The following PIK3CD variants were observed in gnomAD, a reference collection of about 807,000 sequenced individuals.
PIK3CD encodes the protein phosphatidylinositol-4,5-bisphosphate 3-kinase catalytic subunit delta.
Under a neutral mutation model 122.9 loss-of-function variants are expected in PIK3CD, and 20 were observed. The observed-to-expected ratio is 0.16, with a 90% CI of 0.11 to 0.24. The LOEUF (loss-of-function observed/expected upper bound fraction) is 0.24. PIK3CD is among the 10% of genes least tolerant of loss of function. PIK3CD has a pLI of 1.00. For synonymous variants in PIK3CD, 596 were observed against 593.4 expected (o/e 1.00, Z -0.06); for missense variants, 787 against 1,406.3 (o/e 0.56, Z 7.04).
At chr1:9,694,986 G>A (rs201682376) in intron 2 of PIK3CD, among the ~76,000 whole-genome samples, 5 of 145,388 alleles carry the variant, frequency 3.4e-5, no homozygotes, top group African/African-American at 5.2e-5. Flanking sequence ...GAGAGAGAGA[G>A]AGAGACAGAG....
intron 1 of PIK3CD, among the ~76,000 whole-genome samples, chr1:9,686,069 C>G (rs940737895): frequency 9.2e-5 from 14 of 152,188 alleles, no homozygotes; most frequent in Non-Finnish European, 1.8e-4. Context: ...TCACACATCA[C>G]AAAGTGTCAG....
At chr1:9,712,483 G>T (rs1647095205) in intron 3 of PIK3CD, among the ~76,000 whole-genome samples, 1 of 152,042 alleles carries the variant, frequency 6.6e-6, no homozygotes, top group African/African-American at 2.4e-5. Context: ...GTTTCACCAT[G>T]TTGGCCAGGC....
chr1:9,724,801 C>G lies in PIK3CD; in HGVS notation c.2865-3C>G. 6.2e-7 allele frequency: 1 copy of G among 1,612,768 alleles called. No individual in the cohort carries two copies. Among genetic ancestry groups the G allele is most frequent in the Non-Finnish European group, 8.5e-7 (1 of 1,180,038 alleles). On this transcript the variant is annotated splice_region_variant and splice_polypyrimidine_tract_variant and intron_variant, in intron 22 of 23. Transcript: ENST00000377346. This position sits in a 1 kb window ranked among gnomAD's most constrained non-coding sequence, Gnocchi z 7.3. Reference sequence around the variant, plus strand: ...CCTCACTTCCTCTGTCCCCTACCTGCAGGTTCCGGGGCTACTGTGAAAGGG... The same window carrying G: ...CCTCACTTCCTCTGTCCCCTACCTGGAGGTTCCGGGGCTACTGTGAAAGGG...
Position 9,719,787 on chromosome 1 carries a change from G to C in PIK3CD, c.1243-134G>C, listed in dbSNP as rs1648196871. 5.1e-6 allele frequency: 4 copies of C among 783,488 alleles called. No individual in the cohort carries two copies. Among genetic ancestry groups the C allele is most frequent in the Non-Finnish European group, 9.1e-6 (4 of 437,846 alleles). The allele number at this position is 783,488 out of a possible 1,614,324, so 48.5% of individuals were successfully genotyped here. A position where few individuals can be genotyped will look rare whatever the true frequency, so the allele number is the denominator to read the frequency against. On this transcript the variant is annotated intron_variant, in intron 9 of 23. Transcript: ENST00000377346. This position sits in a 1 kb window ranked among gnomAD's most constrained non-coding sequence, Gnocchi z 5.5. ...GCGGCTCCTCTCCTTCCCCAAGCAG[G>C]GTCTCCCAGGGGTCTGGTTGGGAGA...
intron 3 of PIK3CD, among the ~76,000 whole-genome samples, chr1:9,714,118 T>C (rs1284022044): frequency 6.6e-6 from 1 of 152,084 alleles, no homozygotes; most frequent in African/African-American, 2.4e-5. Context: ...TCCCAAAGTA[T>C]TGGGATTACA....
intron 1 of PIK3CD, among the ~76,000 whole-genome samples, chr1:9,679,569 T>C (rs1052013590): frequency 1.3e-5 from 2 of 151,524 alleles, no homozygotes; most frequent in African/African-American, 4.9e-5. Flanking sequence ...CCTTAGCCCA[T>C]GTCCTGTTTC....
chr1:9,688,949 G>A (rs1264923412), intron 1 of PIK3CD, among the ~76,000 whole-genome samples: 1 of 152,128 alleles, frequency 6.6e-6, no homozygotes, highest in East Asian at 1.9e-4. Context: ...AAAGTGCTAG[G>A]TACACTCATT....
chr1:9,725,461 A>G (rs931422490), intron 23 of PIK3CD, among the ~76,000 whole-genome samples: 2 of 152,158 alleles, frequency 1.3e-5, no homozygotes, highest in Non-Finnish European at 2.9e-5. Context: ...AGGCTGAGGC[A>G]GGAGAATCGT....
In PIK3CD at chr1:9,710,684, G is replaced by A; in HGVS notation, c.141+88G>A. 3 of 1,457,194 alleles carry A rather than the reference G, an allele frequency of 2.1e-6. No individual in the cohort carries two copies. Among genetic ancestry groups the A allele is most frequent in the Non-Finnish European group, 2.9e-6 (3 of 1,040,692 alleles). 90.3% of individuals were successfully genotyped at this position (1,457,194 alleles called of 1,614,324 possible). On this transcript the variant is annotated intron_variant, in intron 3 of 23. Transcript: ENST00000377346. This position sits in a 1 kb window ranked among gnomAD's most constrained non-coding sequence, Gnocchi z 4.7. ...AGATAGACAGACAGACAGACAGACA[G>A]ATGGACAGGTGGACAGACGGACAGA... is the stretch of plus-strand genomic sequence containing the variant.
In PIK3CD at chr1:9,713,353, G is replaced by A. The variant is rs80305396; in HGVS notation, c.142-2188G>A. Among the ~76,000 whole-genome samples, 812 of 151,894 alleles carry A rather than the reference G, an allele frequency of 5.3e-3. 18 individuals are homozygous for A. Among genetic ancestry groups the A allele is most frequent in the East Asian group, 0.044 (225 of 5,168 alleles). Reference sequence around the variant, plus strand: ...GAAACCCCGTCTGTAAAATAAACAAGCAAACAAACAGACAAAAACAAACAC... The same window carrying A: ...GAAACCCCGTCTGTAAAATAAACAAACAAACAAACAGACAAAAACAAACAC... On this transcript the variant is annotated intron_variant, in intron 3 of 23. Coordinates refer to ENST00000377346, the MANE Select transcript of PIK3CD (RefSeq NM_005026.5).
At position 9,719,988 on chromosome 1, in the gene PIK3CD, G is replaced by A. The variant is rs776965614; in HGVS notation, c.1310G>A (p.Arg437His). 2.5e-5 allele frequency: 40 copies of A among 1,613,612 alleles called. No homozygotes were observed. Among genetic ancestry groups the A allele is most frequent in the Middle Eastern group, 1.6e-4 (1 of 6,084 alleles). Reference protein sequence around the residue: ...DYKDQLKTGERCLYMWPSVPD... With the variant: ...DYKDQLKTGEHCLYMWPSVPD... ...AAGGACCAGCTTAAGACCGGGGAAC[G>A]CTGCCTCTACATGTGGCCCTCCGTC... The change falls in exon 10 of 24, where the codon CGC becomes CAC. Residue 437 changes from arginine (R) to histidine (H), a missense_variant. Coordinates refer to ENST00000377346, the MANE Select transcript of PIK3CD (RefSeq NM_005026.5). This position sits in a 1 kb window ranked among gnomAD's most constrained non-coding sequence, Gnocchi z 5.5.
chr1:9,667,864 G>C (rs1441736288), intron 1 of PIK3CD, among the ~76,000 whole-genome samples: 2 of 141,998 alleles, frequency 1.4e-5, no homozygotes, highest in African/African-American at 2.6e-5. Flanking sequence ...AGCCTCCCAA[G>C]TAGCTGGGAC....
At chr1:9,664,510 C>A (rs1645103164) in intron 1 of PIK3CD, among the ~76,000 whole-genome samples, 1 of 152,200 alleles carries the variant, frequency 6.6e-6, no homozygotes, top group Non-Finnish European at 1.5e-5. Flanking sequence ...GGGGGTTTTA[C>A]CACTGTTCAA....
intron 1 of PIK3CD, among the ~76,000 whole-genome samples, chr1:9,658,116 T>C (rs1319080476): frequency 6.6e-6 from 1 of 152,034 alleles, no homozygotes; most frequent in Non-Finnish European, 1.5e-5. Flanking sequence ...GGCATGGTGG[T>C]TCATGCTTGT....
chr1:9,630,739 T>TGTGTGTGTGCGC, the PIK3CD span, among the ~76,000 whole-genome samples: 20 of 150,964 alleles, frequency 1.3e-4, no homozygotes, highest in African/African-American at 4.6e-4. Flanking sequence ...TGTGTGTGTG[T>TGTGTGTGTGCGC]GCAGAAGAGG....
chr1:9,670,790 C>G (rs1399491506), intron 1 of PIK3CD, among the ~76,000 whole-genome samples: 3 of 152,050 alleles, frequency 2.0e-5, no homozygotes, highest in Non-Finnish European at 4.4e-5. Context: ...TGGAGTCTCG[C>G]TCTGTCACCG....
intron 1 of PIK3CD, among the ~76,000 whole-genome samples, chr1:9,655,431 A>T (rs534590641): frequency 4.2e-5 from 6 of 142,130 alleles, no homozygotes; most frequent in African/African-American, 1.6e-4. Flanking sequence ...AAAATAAAAA[A>T]CCCAGGAACC....
chr1:9,711,187 A>G (rs1181590896), intron 3 of PIK3CD, among the ~76,000 whole-genome samples: 1 of 150,902 alleles, frequency 6.6e-6, no homozygotes, highest in Non-Finnish European at 1.5e-5. Flanking sequence ...TCTGCCTCCC[A>G]GGCTCAAGCA....
chr1:9,650,447 A>G (rs2100660403), upstream of PIK3CD, among the ~76,000 whole-genome samples: 1 of 151,890 alleles, frequency 6.6e-6, no homozygotes, highest in South Asian at 2.1e-4. Flanking sequence ...AAACAAAACA[A>G]CAAAAAACAA....
Sources: gnomAD v4.1 joint callset for allele counts (sites outside exome capture counted in the v4.1 genomes callset) on GRCh38, gnomAD v4.1.1 for gene constraint, Gnocchi (gnomAD v3.1) non-coding constraint, MANE v1.5 for transcripts, NCBI Gene and HGNC (gene_info 2026-07-23, HGNC 2026-07-21) for gene names.